Variants in KCNMA1 observed in about 807,000 individuals in gnomAD.
KCNMA1 encodes the protein potassium calcium-activated channel subfamily M alpha 1.
Under a neutral mutation model 140.0 loss-of-function variants are expected in KCNMA1, and 29 were observed. The observed-to-expected ratio is 0.21, with a 90% CI of 0.15 to 0.28. The LOEUF is 0.28. Ranked by LOEUF, KCNMA1 falls within the 10% of genes least tolerant of loss-of-function variation. The pLI is 1.00. For synonymous variants in KCNMA1, 612 were observed against 611.9 expected (o/e 1.00, Z 0.00); for missense variants, 880 against 1,602.2 (o/e 0.55, Z 7.70).
intron 1 of KCNMA1, among the ~76,000 whole-genome samples, chr10:77,429,058 TAG>T (rs2097091045): frequency 1.3e-5 from 2 of 152,136 alleles, no homozygotes; most frequent in Non-Finnish European, 2.9e-5. Flanking sequence ...TATAGATATA[TAG>T]ATATATGGGT....
intron 23 of KCNMA1, among the ~76,000 whole-genome samples, chr10:76,918,183 A>G (rs576471706): frequency 6.6e-6 from 1 of 152,324 alleles, no homozygotes; most frequent in Non-Finnish European, 1.5e-5. Context: ...TACTCCAGAG[A>G]TCTACAGCTA....
At chr10:76,935,723 C>T (rs577542672) in intron 23 of KCNMA1, among the ~76,000 whole-genome samples, 4 of 152,292 alleles carry the variant, frequency 2.6e-5, no homozygotes, top group African/African-American at 9.6e-5. Context: ...TCAGTCCAAC[C>T]CCAAGACCAC....
At chr10:76,927,478 C>T (rs1035261565) in intron 23 of KCNMA1, among the ~76,000 whole-genome samples, 3 of 152,148 alleles carry the variant, frequency 2.0e-5, no homozygotes, top group Non-Finnish European at 2.9e-5. Context: ...AAGATGCTAT[C>T]TCGGGCATTG....
intron 8 of KCNMA1, among the ~76,000 whole-genome samples, chr10:77,109,856 G>C (rs2097280265): frequency 1.3e-5 from 2 of 152,188 alleles, no homozygotes; most frequent in Admixed American, 1.3e-4. Context: ...TAGCATACCA[G>C]ATGCTGAGTT....
At chr10:77,081,584 T>A (rs1007623342) in intron 12 of KCNMA1, among the ~76,000 whole-genome samples, 8 of 152,152 alleles carry the variant, frequency 5.3e-5, no homozygotes, top group African/African-American at 1.9e-4. Context: ...GGGAGCAGCT[T>A]TATCTGAAAA....
intron 1 of KCNMA1, chr10:77,636,331 C>T: frequency 6.6e-7 from 1 of 1,524,512 alleles, no homozygotes; most frequent in South Asian, 1.2e-5. Flanking sequence ...GCCTAGCAAC[C>T]ATACATCGAA....
chr10:76,971,010 CTTT>C (rs1555018669), intron 19 of KCNMA1: 1 of 152,172 alleles, frequency 6.6e-6, no homozygotes, highest in Non-Finnish European at 1.5e-5. Flanking sequence ...CATCATGCTT[CTTT>C]TTAAGAGAAC....
intron 23 of KCNMA1, among the ~76,000 whole-genome samples, chr10:76,931,823 A>T (rs551061332): frequency 6.6e-6 from 1 of 152,108 alleles, no homozygotes; most frequent in South Asian, 2.1e-4. Flanking sequence ...AGTCTACCTT[A>T]CCTGGTCTGC....
At chr10:77,605,599 C>G (rs934187746) in intron 1 of KCNMA1, among the ~76,000 whole-genome samples, 2 of 152,216 alleles carry the variant, frequency 1.3e-5, no homozygotes, top group Non-Finnish European at 2.9e-5. Flanking sequence ...CCTCCCTCCT[C>G]TGCTGGGACA....
At chr10:77,366,742 G>C (rs959880638) in intron 2 of KCNMA1, among the ~76,000 whole-genome samples, 46 of 152,188 alleles carry the variant, frequency 3.0e-4, no homozygotes, top group African/African-American at 1.1e-3. Context: ...TACAAATGTG[G>C]ATGAACCCTA....
intron 1 of KCNMA1, chr10:77,494,040 C>G (rs112630744): frequency 6.6e-6 from 1 of 152,160 alleles, no homozygotes; most frequent in Non-Finnish European, 1.5e-5. Context: ...AGGGCCTTTG[C>G]TTTCTGGGGG....
chr10:77,619,327 TC>T (rs1164376294), intron 1 of KCNMA1, among the ~76,000 whole-genome samples: 1 of 151,730 alleles, frequency 6.6e-6, no homozygotes, highest in Admixed American at 6.6e-5. Flanking sequence ...TCTCTCTCTC[TC>T]TCTCTCTCTC....
At chr10:77,018,014 C>A (rs2092371571) in intron 17 of KCNMA1, among the ~76,000 whole-genome samples, 2 of 152,078 alleles carry the variant, frequency 1.3e-5, no homozygotes, top group African/African-American at 4.8e-5. Context: ...AAGGAAAGAC[C>A]AGTTCCACTC....
chr10:77,171,948 A>G (rs1250805488), intron 5 of KCNMA1, among the ~76,000 whole-genome samples: 2 of 152,164 alleles, frequency 1.3e-5, no homozygotes, highest in African/African-American at 4.8e-5. Flanking sequence ...GGACACTCCA[A>G]TTAAGTTATT....
At chr10:77,361,624 A>G (rs1009500891) in intron 2 of KCNMA1, among the ~76,000 whole-genome samples, 2 of 152,222 alleles carry the variant, frequency 1.3e-5, no homozygotes, top group African/African-American at 4.8e-5. Flanking sequence ...TCCCACTCCC[A>G]CTGCCGAGTC....
At chr10:76,969,295 A>G (rs1217086273) in intron 20 of KCNMA1, among the ~76,000 whole-genome samples, 1 of 144,284 alleles carries the variant, frequency 6.9e-6, no homozygotes, top group Non-Finnish European at 1.5e-5. Flanking sequence ...GGAAGGAAGG[A>G]AGGAGGGAAG....
In KCNMA1 at chr10:77,443,247, C is replaced by T. The variant is rs1181880798; in HGVS notation, c.379-39224G>A. Among the ~76,000 whole-genome samples, 6 of 152,320 alleles carry T rather than the reference C, an allele frequency of 3.9e-5. No homozygotes were observed. The East Asian group carries it at 1.2e-3, about 29-fold the overall frequency. On this transcript the variant is annotated intron_variant, in intron 1 of 27. Coordinates refer to ENST00000286628, the MANE Select transcript of KCNMA1 (RefSeq NM_001161352.2). ...AGCTTTTCTCAGTGGTCCCGGCAGG[C>T]TTCCAGGACACTCCTGCAGGCCAGG... is the stretch of plus-strand genomic sequence containing the variant.
chr10:76,887,593 T>C (rs751693030), intron 27 of KCNMA1, 78 bp from the exon 28 acceptor site: 7 of 1,536,612 alleles, frequency 4.6e-6, no homozygotes, highest in Admixed American at 1.7e-5. Context: ...CCAAAAGCAA[T>C]GGCCTGGTTA....
chr10:77,372,405 G>A (rs2094800756), intron 2 of KCNMA1, among the ~76,000 whole-genome samples: 1 of 152,142 alleles, frequency 6.6e-6, no homozygotes, highest in Admixed American at 6.5e-5. Flanking sequence ...CTTAACATCT[G>A]CAGTTCACCA....
Sources: gnomAD v4.1 joint callset for allele counts (sites outside exome capture counted in the v4.1 genomes callset) on GRCh38, gnomAD v4.1.1 for gene constraint, MANE v1.5 for transcripts, NCBI Gene and HGNC (gene_info 2026-07-23, HGNC 2026-07-21) for gene names.